Variants in GPHN observed in about 807,000 individuals in gnomAD.
GPHN encodes the protein gephyrin.
GPHN carries 17 observed loss-of-function variants against 95.5 expected under a neutral mutation model. The ratio of observed to expected loss-of-function variants is 0.18; its 90% confidence interval spans 0.12 to 0.27. The LOEUF is 0.27. GPHN is among the 10% of genes least tolerant of loss of function. The pLI is 1.00. For synonymous variants in GPHN, 320 were observed against 322.5 expected (o/e 0.99, Z 0.08); for missense variants, 660 against 978.1 (o/e 0.67, Z 4.34).
At chr14:67,552,773 A>AAC in the GPHN span, among the ~76,000 whole-genome samples, 1 of 151,408 alleles carries the variant, frequency 6.6e-6, no homozygotes, top group East Asian at 1.9e-4. Context: ...TCTCAAAAAA[A>AAC]AAAAACAAAA....
At chr14:67,509,356 T>C in the GPHN span, among the ~76,000 whole-genome samples, 1 of 152,174 alleles carries the variant, frequency 6.6e-6, no homozygotes, top group Non-Finnish European at 1.5e-5. Flanking sequence ...TTCACTCTTG[T>C]TGTCCAAGCT....
chr14:67,092,630 G>A (rs2077189577), intron 12 of GPHN, among the ~76,000 whole-genome samples: 1 of 151,964 alleles, frequency 6.6e-6, no homozygotes, highest in South Asian at 2.1e-4. Flanking sequence ...AATCAAGACA[G>A]TAATAAAATG....
At chr14:67,215,532 A>G in the GPHN span, among the ~76,000 whole-genome samples, 3 of 151,878 alleles carry the variant, frequency 2.0e-5, no homozygotes, top group Non-Finnish European at 4.4e-5. Context: ...CAACAACAAC[A>G]GGAGAGAGTG....
intron 2 of GPHN, chr14:66,760,881 C>A: frequency 1.1e-6 from 1 of 917,146 alleles, no homozygotes. Flanking sequence ...AAAAGAGCGA[C>A]AGAAAGTTCA....
chr14:67,398,729 AAAT>A, the GPHN span, among the ~76,000 whole-genome samples: 1 of 151,858 alleles, frequency 6.6e-6, no homozygotes, highest in African/African-American at 2.4e-5. Flanking sequence ...GCTAATTTTT[AAAT>A]TTTTTTGTAA....
chr14:67,523,944 C>CACAAAGAGCATTTCCAGTGAT, the GPHN span, among the ~76,000 whole-genome samples: 1 of 152,080 alleles, frequency 6.6e-6, no homozygotes, highest in Non-Finnish European at 1.5e-5. Context: ...AGAATAGTGA[C>CACAAAGAGCATTTCCAGTGAT]ACAAAGAGGG....
intron 4 of GPHN, among the ~76,000 whole-genome samples, chr14:66,844,026 A>G (rs2062208203): frequency 6.6e-6 from 1 of 152,070 alleles, no homozygotes; most frequent in Non-Finnish European, 1.5e-5. Flanking sequence ...TAATAAGACC[A>G]GAAGATTTTT....
the GPHN span, among the ~76,000 whole-genome samples, chr14:67,459,405 G>T: frequency 6.6e-6 from 1 of 152,168 alleles, no homozygotes; most frequent in Non-Finnish European, 1.5e-5. Flanking sequence ...ATCAGGGAAG[G>T]CTTCATGGAA....
At chr14:66,856,154 G>A (rs2062795607) in intron 4 of GPHN, among the ~76,000 whole-genome samples, 2 of 152,022 alleles carry the variant, frequency 1.3e-5, no homozygotes, top group African/African-American at 2.4e-5. Context: ...CAAATGTAAG[G>A]CAACTAACTG....
chr14:66,633,122 T>C (rs931105749), intron 1 of GPHN, among the ~76,000 whole-genome samples: 2 of 152,216 alleles, frequency 1.3e-5, no homozygotes, highest in African/African-American at 4.8e-5. Flanking sequence ...AATTTAATCA[T>C]ATACTGTCAC....
At chr14:67,445,241 C>T in the GPHN span, among the ~76,000 whole-genome samples, 6 of 152,222 alleles carry the variant, frequency 3.9e-5, no homozygotes, top group South Asian at 4.2e-4. Flanking sequence ...ACAAGAGGGT[C>T]GTGGGAACAC....
At chr14:67,484,007 G>C in the GPHN span, among the ~76,000 whole-genome samples, 2 of 152,190 alleles carry the variant, frequency 1.3e-5, no homozygotes, top group African/African-American at 4.8e-5. Context: ...GGACTGGCAG[G>C]CTGGCATCCC....
rs150023984 is a variant in GPHN at position 67,039,648 on chromosome 14, G to C, written c.1006+15973G>C. Among the ~76,000 whole-genome samples, 514 of 152,246 alleles carry C rather than the reference G, an allele frequency of 3.4e-3. 4 individuals carry two copies. Among genetic ancestry groups the C allele is most frequent in the African/African-American group, 0.012 (488 of 41,536 alleles). On this transcript the variant is annotated intron_variant, in intron 10 of 22. Coordinates refer to ENST00000478722, the MANE Select transcript of GPHN (RefSeq NM_020806.5). ...ATCTCTATCAAAAATTAAAAAATTA[G>C]TTGGATGTGGTGGCACATGCTGTAG...
chr14:67,089,133 C>CTTTTTTTTTTTTTTTTCTTTTTTTT, intron 12 of GPHN, 58 bp downstream of exon 12: 2 of 198,576 alleles, frequency 1.0e-5, no homozygotes, highest in Non-Finnish European at 1.6e-5. Context: ...TTCTTTTTTT[C>CTTTTTTTTTTTTTTTTCTTTTTTTT]TTTTTTTTTT....
chr14:66,937,441 C>T (rs1301882173), intron 8 of GPHN, among the ~76,000 whole-genome samples: 1 of 151,410 alleles, frequency 6.6e-6, no homozygotes. Flanking sequence ...AGCGCAGTGG[C>T]ACAATCTCAG....
chr14:66,954,940 A>G (rs76188985), intron 8 of GPHN, among the ~76,000 whole-genome samples: 144 of 152,178 alleles, frequency 9.5e-4, no homozygotes, highest in Non-Finnish European at 1.9e-3. Flanking sequence ...ATGGTGAGCC[A>G]CTCTTACATT....
rs72730455 is a variant in GPHN at position 67,032,082 on chromosome 14, G to A, written c.1006+8407G>A. On this transcript the variant is annotated intron_variant, in intron 10 of 22. Coordinates refer to ENST00000478722, the MANE Select transcript of GPHN (RefSeq NM_020806.5). The stretch of plus-strand genomic sequence containing the variant: ...AAGCCAAGAATAGCCACATTGAAAT[G>A]GATAAGAACTGTTTTACTTTACCTG... Among the ~76,000 whole-genome samples the A allele has an allele frequency of 4.3e-3, 649 of 152,226 alleles. 1 individual carries two copies. The highest frequency in any genetic ancestry group is 6.8e-3 in the Middle Eastern group (2 of 294).
At chr14:66,956,117 T>G (rs1358336879) in intron 8 of GPHN, among the ~76,000 whole-genome samples, 1 of 152,202 alleles carries the variant, frequency 6.6e-6, no homozygotes, top group African/African-American at 2.4e-5. Flanking sequence ...TATTTTCTTT[T>G]GTTTGCTTTG....
chr14:66,583,642 A>G (rs1858424663), intron 1 of GPHN, among the ~76,000 whole-genome samples: 1 of 152,144 alleles, frequency 6.6e-6, no homozygotes, highest in South Asian at 2.1e-4. Context: ...TTAAATAGGG[A>G]ATCCTTTCCC....
Sources: allele counts gnomAD v4.1 joint callset (sites outside exome capture counted in the v4.1 genomes callset), GRCh38; gene constraint gnomAD v4.1.1; transcripts MANE v1.5; gene names NCBI Gene and HGNC (gene_info 2026-07-23, HGNC 2026-07-21).